The following ZBED4 variants were observed in gnomAD, a reference collection of about 807,000 sequenced individuals.
ZBED4 encodes the protein zinc finger BED domain-containing protein 4.
In ZBED4, 4 loss-of-function variants were observed where a neutral mutation model predicts 15.5. The observed-to-expected ratio is 0.26, with a 90% CI of 0.13 to 0.59. The LOEUF (loss-of-function observed/expected upper bound fraction) is 0.59. ZBED4 is among the 20% of genes least tolerant of loss of function. The probability of loss-of-function intolerance (pLI) is 0.90; values close to 1 mark genes in which losing one functional copy is unlikely to be tolerated. For missense variants in ZBED4, 1,323 were observed against 1,461.8 expected, an observed-to-expected ratio of 0.91 and a Z score of 1.55; for synonymous variants, 692 against 608.5, an observed-to-expected ratio of 1.14 and a Z score of -2.02.
rs1178556630 is a variant in ZBED4, at chr22:49,886,742, A to G, written c.3080A>G (p.Gln1027Arg). ...GAGGAGGAGGCGGAGCAGTACAAAC[A>G]GGATTTAATCAGGGAACTCGAACTC... ...FTEEEAEQYK[Q>R]DLIRELELMN... Residue 1027 changes from glutamine to arginine, a missense_variant, in exon 2 of 2, where the codon CAG becomes CGG. By Grantham distance (43) the Gln-to-Arg change is conservative. Transcript: ENST00000216268. The surrounding 1 kb of genome is among the most constrained non-coding windows in gnomAD (Gnocchi z 7.7). 1.2e-6 allele frequency: 2 copies of G among 1,613,078 alleles called. No homozygotes were observed. Among genetic ancestry groups the G allele is most frequent in the Non-Finnish European group, 1.7e-6 (2 of 1,179,742 alleles).
At chr22:49,876,058 A>G (rs2060374908) in intron 1 of ZBED4, among the ~76,000 whole-genome samples, 1 of 151,928 alleles carries the variant, frequency 6.6e-6, no homozygotes, top group Non-Finnish European at 1.5e-5. Flanking sequence ...CGTGTAATAT[A>G]AAAGTGTTAT....
intron 1 of ZBED4, among the ~76,000 whole-genome samples, chr22:49,861,244 T>C (rs4824104): frequency 0.75 from 113,370 of 151,634 alleles, 44,837 homozygotes; most frequent in East Asian, 0.91. Context: ...TGGATTCAAG[T>C]GATTCTTGTG....
intron 1 of ZBED4, among the ~76,000 whole-genome samples, chr22:49,879,573 G>T (rs150130584): frequency 6.8e-6 from 1 of 146,612 alleles, no homozygotes; most frequent in East Asian, 2.0e-4. Flanking sequence ...TTATTGGTTG[G>T]TTTTTCTCCT....
In ZBED4 at chr22:49,886,362, G is replaced by A. The variant is rs145918774; in HGVS notation, c.2700G>A (p.Glu900=). The change falls in exon 2 of 2, where the codon GAG becomes GAA. Residue 900 remains glutamate (E), a synonymous_variant. Transcript: ENST00000216268. This position sits in a 1 kb window ranked among gnomAD's most constrained non-coding sequence, Gnocchi z 7.7. The stretch of plus-strand genomic sequence containing the variant: ...GGAGCACTTCCTTCCACATGCTCGA[G>A]CGGCTCATTGAGCAGAAAAGGGCCA... The part of the protein sequence containing the change: ...SKWSTSFHML[E]RLIEQKRAIN... 9.9e-6 allele frequency: 16 copies of A among 1,610,428 alleles called. No homozygotes were observed. Among genetic ancestry groups the A allele is most frequent in the Non-Finnish European group, 1.4e-5 (16 of 1,177,468 alleles).
chr22:49,855,581 GGTGTGT>G (rs143552178), intron 1 of ZBED4, among the ~76,000 whole-genome samples: 1 of 151,590 alleles, frequency 6.6e-6, no homozygotes, highest in Non-Finnish European at 1.5e-5. Context: ...TTTAGCGAAA[GGTGTGT>G]GTGTGTGTGT....
intron 1 of ZBED4, among the ~76,000 whole-genome samples, chr22:49,869,482 G>A (rs548803947): frequency 1.3e-5 from 2 of 152,326 alleles, no homozygotes; most frequent in South Asian, 4.1e-4. Context: ...TGTTTGGTTT[G>A]TCTGATGGTG....
chr22:49,866,038 A>G (rs117217676), intron 1 of ZBED4, among the ~76,000 whole-genome samples: 2,371 of 152,094 alleles, frequency 0.016, 29 homozygotes, highest in Middle Eastern at 0.027. Context: ...TGTCTTAACT[A>G]TGTTATTCTA....
intron 1 of ZBED4, among the ~76,000 whole-genome samples, chr22:49,873,711 T>C (rs932695588): frequency 2.0e-5 from 3 of 152,006 alleles, no homozygotes; most frequent in African/African-American, 4.8e-5. Flanking sequence ...AGGTATTGGG[T>C]CTTCCCACCT....
intron 1 of ZBED4, among the ~76,000 whole-genome samples, chr22:49,871,901 A>G (rs1038225917): frequency 2.0e-5 from 3 of 151,964 alleles, no homozygotes; most frequent in Non-Finnish European, 2.9e-5. Flanking sequence ...GCACACCAAC[A>G]TGCCCAGCTA....
At chr22:49,879,162 A>G (rs571652931) in intron 1 of ZBED4, among the ~76,000 whole-genome samples, 1 of 145,836 alleles carries the variant, frequency 6.9e-6, no homozygotes, top group African/African-American at 2.6e-5. Flanking sequence ...AACAAAAAAC[A>G]AAAAAAAACA....
chr22:49,886,986 G>A lies in ZBED4; in HGVS notation c.3324G>A (p.Lys1108=), dbSNP rs557674524. The A allele has an allele frequency of 6.2e-7, 1 of 1,614,100 alleles. No individual in the cohort carries two copies. Among genetic ancestry groups the A allele is most frequent in the African/African-American group, 1.3e-5 (1 of 75,018 alleles). The part of the protein sequence containing the change: ...CDPLTYWNLK[K]ASWPGLSALA... The stretch of plus-strand genomic sequence containing the variant: ...CGCTCACCTACTGGAACCTGAAGAA[G>A]GCGTCCTGGCCGGGGCTGTCCGCGC... Residue 1108 remains lysine, a synonymous_variant, in exon 2 of 2, where the codon AAG becomes AAA. Transcript: ENST00000216268. This position sits in a 1 kb window ranked among gnomAD's most constrained non-coding sequence, Gnocchi z 7.7.
In ZBED4 at chr22:49,886,011, C is replaced by T. The variant is rs758420971; in HGVS notation, c.2349C>T (p.Ser783=). 2.9e-6 allele frequency: 2 copies of T among 689,408 alleles called. No homozygotes were observed. The highest frequency in any genetic ancestry group is 3.4e-5 in the South Asian group (2 of 59,678). 42.7% of individuals were successfully genotyped at this position (689,408 alleles called of 1,614,324 possible). ...TGGACTGCGACTACAGTGGCAACAGCATTCAGAAGCAGCTGGAGTGCTGGT... is the reference window on the plus strand; with the variant it reads ...TGGACTGCGACTACAGTGGCAACAGTATTCAGAAGCAGCTGGAGTGCTGGT... ...SQVDCDYSGN[S]IQKQLECWWE... The change falls in exon 2 of 2, where the codon AGC becomes AGT. Residue 783 remains serine (S), a synonymous_variant. Coordinates refer to ENST00000216268, the MANE Select transcript of ZBED4 (RefSeq NM_014838.3). The surrounding 1 kb of genome is among the most constrained non-coding windows in gnomAD (Gnocchi z 7.7).
rs1383191647 is a variant in ZBED4, at chr22:49,886,673, T to A, written c.3011T>A (p.Phe1004Tyr). 6.2e-7 allele frequency: 1 copy of A among 1,611,682 alleles called. No individual in the cohort carries two copies. The highest frequency in any genetic ancestry group is 8.5e-7 in the Non-Finnish European group (1 of 1,178,998). ...ACCCTCCACGACCCGCGGTACGTCT[T>A]CGCCACGCTGCTGGATCCTCGCTAC... ...SATLHDPRYV[F>Y]ATLLDPRYKA... The change falls in exon 2 of 2, where the codon TTC becomes TAC. Residue 1004 changes from phenylalanine to tyrosine, a missense_variant. This residue lies in a region of ZBED4 where 312 missense variants were observed against 410.7 expected (regional missense o/e 0.76). Coordinates refer to ENST00000216268, the MANE Select transcript of ZBED4 (RefSeq NM_014838.3). The surrounding 1 kb of genome is among the most constrained non-coding windows in gnomAD (Gnocchi z 7.7).
At chr22:49,854,712 G>A (rs2060267494) in intron 1 of ZBED4, among the ~76,000 whole-genome samples, 1 of 152,098 alleles carries the variant, frequency 6.6e-6, no homozygotes, top group African/African-American at 2.4e-5. Context: ...TTTCTATTCC[G>A]GGTGGCCCTG....
chr22:49,866,473 A>G (rs1347597741), intron 1 of ZBED4, among the ~76,000 whole-genome samples: 1 of 151,616 alleles, frequency 6.6e-6, no homozygotes, highest in African/African-American at 2.4e-5. Flanking sequence ...CTTCTTTTTT[A>G]GGTCTTCATT....
At position 49,884,312 on chromosome 22, in the gene ZBED4, C is replaced by A. The variant is rs765549684; in HGVS notation, c.650C>A (p.Pro217Gln). ...KLVQKVASKI[P>Q]SPDRITEESV... ...GTCCAGAAAGTGGCGTCTAAGATCC[C>A]GTCCCCCGATCGAATAACAGAGGAG... Residue 217 changes from proline (P) to glutamine (Q), a missense_variant, in exon 2 of 2, where the codon CCG becomes CAG. This residue lies in a region of ZBED4 where 380 missense variants were observed against 413.7 expected (regional missense o/e 0.92). Coordinates refer to ENST00000216268, the MANE Select transcript of ZBED4 (RefSeq NM_014838.3). 3.7e-6 allele frequency: 6 copies of A among 1,613,654 alleles called. No individual in the cohort carries two copies.
rs748968204 is a variant in ZBED4 at position 49,885,892 on chromosome 22, C to T, written c.2230C>T (p.Leu744=). ...IWMSNQTREY[L]TLTAHWVSFE... is the part of the protein sequence containing the mutation. ...GATGAGTAACCAGACCCGTGAGTAC[C>T]TGACCCTCACGGCCCACTGGGTTTC... The change falls in exon 2 of 2, where the codon CTG becomes TTG. Residue 744 remains leucine, a synonymous_variant. Transcript: ENST00000216268. The T allele has an allele frequency of 2.7e-6, 3 of 1,128,146 alleles. No individual in the cohort carries two copies. Among genetic ancestry groups the T allele is most frequent in the Admixed American group, 1.8e-5 (1 of 54,310 alleles). The allele number at this position is 1,128,146 out of a possible 1,614,324, so 69.9% of individuals were successfully genotyped here.
Position 49,885,240 on chromosome 22 carries a change from C to T in ZBED4, c.1578C>T (p.Ala526=). The T allele has an allele frequency of 6.2e-7, 1 of 1,606,784 alleles. No individual in the cohort carries two copies. Among genetic ancestry groups the T allele is most frequent in the East Asian group, 2.2e-5 (1 of 44,776 alleles). Residue 526 remains alanine, a synonymous_variant, in exon 2 of 2, where the codon GCC becomes GCT. Transcript: ENST00000216268. ...LGASLANSPY[A]TLASAESSSS... is the part of the protein sequence containing the mutation. ...CAAGTCTGGCAAACTCTCCGTATGC[C>T]ACTTTGGCCTCTGCAGAAAGTTCCT...
intron 1 of ZBED4, among the ~76,000 whole-genome samples, chr22:49,866,708 A>G (rs898270638): frequency 3.9e-5 from 6 of 152,108 alleles, no homozygotes; most frequent in East Asian, 1.9e-4. Flanking sequence ...AGTTTTTCTC[A>G]TACCCTTCTG....
Sources: allele counts gnomAD v4.1 joint callset (sites outside exome capture counted in the v4.1 genomes callset), GRCh38; gene constraint gnomAD v4.1.1; regional missense constraint gnomAD v4.1.1; non-coding constraint Gnocchi (gnomAD v3.1); transcripts MANE v1.5; gene names NCBI Gene and HGNC (gene_info 2026-07-23, HGNC 2026-07-21).